LRFN2: variants seen among roughly 807,000 people sequenced by gnomAD.
LRFN2 encodes leucine rich repeat and fibronectin type III domain containing 2, also known as leucine-rich repeat and fibronectin type-III domain-containing protein 2.
LRFN2 carries 18 observed loss-of-function variants against 37.3 expected under a neutral mutation model. The observed-to-expected ratio is 0.48, with a 90% CI of 0.33 to 0.72. The LOEUF is 0.72. Ranked by LOEUF, LRFN2 falls within the 30% of genes least tolerant of loss-of-function variation. The probability of loss-of-function intolerance (pLI) is 0.02; values close to 1 mark genes in which losing one functional copy is unlikely to be tolerated. For synonymous variants in LRFN2, 556 were observed against 466.6 expected, an observed-to-expected ratio of 1.19 and a Z score of -2.47; for missense variants, 1,006 against 1,060.7, an observed-to-expected ratio of 0.95 and a Z score of 0.72.
intron 2 of LRFN2, among the ~76,000 whole-genome samples, chr6:40,416,722 C>A (rs1349478490): frequency 1.3e-5 from 2 of 152,176 alleles, no homozygotes; most frequent in African/African-American, 2.4e-5. Flanking sequence ...CCCCTCCTGA[C>A]CCCCTTCCTC....
intron 1 of LRFN2, among the ~76,000 whole-genome samples, chr6:40,558,592 G>A (rs572325106): frequency 4.8e-4 from 73 of 152,290 alleles, no homozygotes; most frequent in African/African-American, 1.6e-3. Flanking sequence ...AGGTGGAGAA[G>A]AGAGTTCCTG....
chr6:40,425,188 G>T (rs1257187138), intron 2 of LRFN2, among the ~76,000 whole-genome samples: 1 of 152,202 alleles, frequency 6.6e-6, no homozygotes, highest in Non-Finnish European at 1.5e-5. Context: ...TGCAGATAGG[G>T]CGCGACAGGG....
chr6:40,394,745 T>C (rs1046482266), intron 2 of LRFN2, among the ~76,000 whole-genome samples: 2 of 152,096 alleles, frequency 1.3e-5, no homozygotes, highest in Admixed American at 6.5e-5. Flanking sequence ...TGGGAGGTAA[T>C]TAAATCATGA....
At chr6:40,417,282 T>C (rs371006405) in intron 2 of LRFN2, among the ~76,000 whole-genome samples, 41 of 152,256 alleles carry the variant, frequency 2.7e-4, no homozygotes, top group African/African-American at 8.4e-4. Flanking sequence ...GCTGCCACCA[T>C]CTCAGCTTCC....
chr6:40,464,933 C>A (rs893614602), intron 1 of LRFN2, among the ~76,000 whole-genome samples: 3 of 152,024 alleles, frequency 2.0e-5, no homozygotes, highest in African/African-American at 7.2e-5. Context: ...ATCCCTAGAG[C>A]CTATGAATAT....
chr6:40,584,743 G>A (rs939974959), intron 1 of LRFN2, among the ~76,000 whole-genome samples: 3 of 152,074 alleles, frequency 2.0e-5, no homozygotes, highest in Admixed American at 6.6e-5. Flanking sequence ...CTGCAAAAAA[G>A]GAGAGCAGAA....
At chr6:40,536,998 T>C (rs1766460974) in intron 1 of LRFN2, among the ~76,000 whole-genome samples, 1 of 152,226 alleles carries the variant, frequency 6.6e-6, no homozygotes, top group Non-Finnish European at 1.5e-5. Context: ...TTATTATTCC[T>C]GTCTTCAAGG....
At chr6:40,461,933 C>T (rs1764356969) in intron 1 of LRFN2, among the ~76,000 whole-genome samples, 1 of 152,060 alleles carries the variant, frequency 6.6e-6, no homozygotes, top group African/African-American at 2.4e-5. Context: ...AGCTGAGGTC[C>T]CATTTGTAGT....
intron 1 of LRFN2, among the ~76,000 whole-genome samples, chr6:40,461,131 G>A (rs554659549): frequency 6.6e-6 from 1 of 152,296 alleles, no homozygotes; most frequent in Admixed American, 6.5e-5. Flanking sequence ...ACTGGGCTGG[G>A]CGCAGTGGTT....
In LRFN2 at chr6:40,540,500, C is replaced by T. The variant is rs192564080; in HGVS notation, c.-19+46441G>A. Among the ~76,000 whole-genome samples, 386 of 152,232 alleles carry T rather than the reference C, an allele frequency of 2.5e-3. 2 individuals are homozygous for T. Among genetic ancestry groups the T allele is most frequent in the Middle Eastern group, 6.8e-3 (2 of 294 alleles). On this transcript the variant is annotated intron_variant, in intron 1 of 2. Coordinates refer to ENST00000338305, the MANE Select transcript of LRFN2 (RefSeq NM_020737.3). Reference sequence around the variant, plus strand: ...GCGGGGAGCACTGTCCCACTCCACACGCTTCAGGAGGGGAGGAGGAGACAG... The same window carrying T: ...GCGGGGAGCACTGTCCCACTCCACATGCTTCAGGAGGGGAGGAGGAGACAG...
At chr6:40,494,633 T>A (rs9380965) in intron 1 of LRFN2, among the ~76,000 whole-genome samples, 17,994 of 151,974 alleles carry the variant, frequency 0.12, 1,906 homozygotes, top group African/African-American at 0.28. Context: ...TAGTCCATTG[T>A]CCCTCTTAGC....
At chr6:40,444,885 C>A (rs1763929835) in intron 1 of LRFN2, among the ~76,000 whole-genome samples, 1 of 148,242 alleles carries the variant, frequency 6.7e-6, no homozygotes, top group Admixed American at 6.8e-5. Flanking sequence ...TTTCCTCCTG[C>A]CTCTGTCTTC....
intron 2 of LRFN2, among the ~76,000 whole-genome samples, chr6:40,401,812 G>A (rs2113797578): frequency 6.6e-6 from 1 of 152,168 alleles, no homozygotes; most frequent in Non-Finnish European, 1.5e-5. Flanking sequence ...TGCCCCACTA[G>A]CACCACGCCT....
At chr6:40,504,059 C>T (rs982413069) in intron 1 of LRFN2, among the ~76,000 whole-genome samples, 2 of 152,126 alleles carry the variant, frequency 1.3e-5, no homozygotes, top group African/African-American at 4.8e-5. Flanking sequence ...AAGCAGTTCA[C>T]TTCCTAGAAT....
intron 1 of LRFN2, among the ~76,000 whole-genome samples, chr6:40,437,585 T>C (rs983675022): frequency 1.3e-5 from 2 of 152,192 alleles, no homozygotes; most frequent in African/African-American, 4.8e-5. Context: ...GTAATCAGCA[T>C]GGAAGATTAC....
intron 1 of LRFN2, among the ~76,000 whole-genome samples, chr6:40,468,025 C>A (rs950033303): frequency 3.9e-5 from 6 of 152,110 alleles, no homozygotes; most frequent in Admixed American, 1.3e-4. Flanking sequence ...CTGCTCATGA[C>A]CTTCCTAAGT....
At chr6:40,449,526 G>A (rs961529168) in intron 1 of LRFN2, among the ~76,000 whole-genome samples, 3 of 152,272 alleles carry the variant, frequency 2.0e-5, no homozygotes, top group Non-Finnish European at 4.4e-5. Flanking sequence ...GCTTTCTACT[G>A]ATTGGAATGT....
At chr6:40,585,565 A>C (rs1237393961) in intron 1 of LRFN2, among the ~76,000 whole-genome samples, 1 of 152,130 alleles carries the variant, frequency 6.6e-6, no homozygotes, top group Non-Finnish European at 1.5e-5. Flanking sequence ...GAGGGCAGCG[A>C]CCAGACCAGG....
chr6:40,451,298 G>C (rs950134392), intron 1 of LRFN2, among the ~76,000 whole-genome samples: 1 of 152,192 alleles, frequency 6.6e-6, no homozygotes, highest in African/African-American at 2.4e-5. Flanking sequence ...CTGGCAAGAA[G>C]TGGGGCCTCA....
Sources: allele counts gnomAD v4.1 joint callset (sites outside exome capture counted in the v4.1 genomes callset), GRCh38; gene constraint gnomAD v4.1.1; transcripts MANE v1.5; gene names NCBI Gene and HGNC (gene_info 2026-07-23, HGNC 2026-07-21).